Variants in KRABD3 observed in about 807,000 individuals in gnomAD.
The protein encoded by KRABD3 is KRAB domain containing 3, also known as KRAB domain-containing protein 3.
At chr7:149,727,832 C>G in the KRABD3 span, among the ~76,000 whole-genome samples, 1 of 152,174 alleles carries the variant, frequency 6.6e-6, no homozygotes, top group Admixed American at 6.5e-5. Context: ...CCTCTGGTTT[C>G]CAGCCCTTCC....
the KRABD3 span, chr7:149,720,904 T>C: frequency 9.9e-6 from 16 of 1,612,686 alleles, no homozygotes; most frequent in Non-Finnish European, 9.3e-6. Context: ...CCAGAGTTCT[T>C]GTTTGGAGAA....
the KRABD3 span, chr7:149,734,207 G>C: frequency 1.0e-6 from 1 of 993,204 alleles, no homozygotes; most frequent in Non-Finnish European, 1.4e-6. Flanking sequence ...AGAGCCCCCA[G>C]GTGCTGTTTG....
At chr7:149,725,302 T>A in the KRABD3 span, 1 of 1,563,626 alleles carries the variant, frequency 6.4e-7, no homozygotes, top group African/African-American at 1.4e-5. Context: ...CAGGGTGCTC[T>A]CTCCTGTTCC....
chr7:149,720,429 C>G, the KRABD3 span, among the ~76,000 whole-genome samples: 32 of 152,234 alleles, frequency 2.1e-4, no homozygotes, highest in African/African-American at 7.2e-4. Flanking sequence ...AGTCCTGCCA[C>G]GAGGCTTACA....
chr7:149,723,576 G>T, the KRABD3 span: 1 of 671,124 alleles, frequency 1.5e-6, no homozygotes, highest in African/African-American at 1.8e-5. Flanking sequence ...GTTCTGGCAG[G>T]TGTGTGGACC....
chr7:149,724,735 G>A, the KRABD3 span: 2 of 1,554,406 alleles, frequency 1.3e-6, no homozygotes, highest in South Asian at 2.4e-5. Flanking sequence ...GAACAGCTGG[G>A]TCCAGAGCCC....
chr7:149,722,369 T>G, the KRABD3 span: 1 of 1,566,252 alleles, frequency 6.4e-7, no homozygotes, highest in Non-Finnish European at 8.6e-7. Flanking sequence ...GGTGTGATTT[T>G]CCAGAGTCTG....
chr7:149,722,206 T>G, the KRABD3 span, among the ~76,000 whole-genome samples: 1 of 152,120 alleles, frequency 6.6e-6, no homozygotes, highest in Non-Finnish European at 1.5e-5. Context: ...ATTCCGAGGC[T>G]GGGCTCAGGG....
chr7:149,731,888 C>G, the KRABD3 span: 1 of 677,514 alleles, frequency 1.5e-6, no homozygotes, highest in Non-Finnish European at 2.6e-6. Flanking sequence ...GAAGTCTCAC[C>G]TGTAATGCAC....
the KRABD3 span, among the ~76,000 whole-genome samples, chr7:149,715,637 T>C: frequency 2.6e-5 from 4 of 152,276 alleles, no homozygotes; most frequent in African/African-American, 9.6e-5. Flanking sequence ...TCCACGTTCT[T>C]CTGGATGGGC....
the KRABD3 span, chr7:149,719,594 T>C: frequency 6.3e-7 from 1 of 1,597,190 alleles, no homozygotes; most frequent in South Asian, 1.1e-5. The surrounding 1 kb of genome is among the most constrained non-coding windows in gnomAD (Gnocchi z 5.6). Flanking sequence ...GGAGGAGGAG[T>C]GGCGGCTCCT....
the KRABD3 span, chr7:149,733,601 C>A: frequency 6.3e-7 from 1 of 1,596,858 alleles, no homozygotes; most frequent in East Asian, 2.3e-5. Context: ...ACCCACGAGG[C>A]CTAAACCAAA....
At chr7:149,720,180 C>T in the KRABD3 span, 18 of 1,544,188 alleles carry the variant, frequency 1.2e-5, no homozygotes, top group African/African-American at 4.1e-5. Flanking sequence ...GGTCCTCAGC[C>T]CCAGGCAATG....
At chr7:149,723,773 G>T in the KRABD3 span, 2 of 1,613,938 alleles carry the variant, frequency 1.2e-6, no homozygotes, top group Non-Finnish European at 8.5e-7. Context: ...CCCCTCCAGG[G>T]TCTGCTACAC....
At chr7:149,731,718 C>T in the KRABD3 span, 2 of 1,612,500 alleles carry the variant, frequency 1.2e-6, no homozygotes, top group Non-Finnish European at 1.7e-6. Flanking sequence ...AGAAAAGGCC[C>T]AGGGTTAGTG....
chr7:149,717,648 G>A, the KRABD3 span, among the ~76,000 whole-genome samples: 3 of 152,132 alleles, frequency 2.0e-5, no homozygotes, highest in Non-Finnish European at 4.4e-5. Context: ...CTGGGCCTCC[G>A]GGCCTCAGGC....
the KRABD3 span, chr7:149,721,483 G>A: frequency 1.4e-5 from 22 of 1,612,914 alleles, no homozygotes; most frequent in African/African-American, 5.3e-5. Context: ...CCGACAGCTC[G>A]TGTTCCAGTG....
At chr7:149,718,513 CTTTTTTTTTTTTT>C in the KRABD3 span, among the ~76,000 whole-genome samples, 7 of 81,970 alleles carry the variant, frequency 8.5e-5, no homozygotes, top group African/African-American at 3.5e-4. Context: ...CACTGAAGGA[CTTTTTTTTTTTTT>C]TTTTTTTTTT....
At chr7:149,729,301 G>A in the KRABD3 span, 9 of 1,600,054 alleles carry the variant, frequency 5.6e-6, no homozygotes, top group East Asian at 2.3e-5. Flanking sequence ...CTGCGTCCCC[G>A]CCTGCCACCA....
Sources: allele counts gnomAD v4.1 joint callset (sites outside exome capture counted in the v4.1 genomes callset), GRCh38; gene constraint gnomAD v4.1.1; non-coding constraint Gnocchi (gnomAD v3.1); transcripts MANE v1.5; gene names NCBI Gene and HGNC (gene_info 2026-07-23, HGNC 2026-07-21).